SKI: variants seen among roughly 807,000 people sequenced by gnomAD.
SKI encodes the protein SKI proto-oncogene.
Under a neutral mutation model 59.3 loss-of-function variants are expected in SKI, and 23 were observed. That is an observed-to-expected ratio of 0.39 (90% confidence interval 0.28 to 0.55). The LOEUF is 0.55. SKI is among the 20% of genes least tolerant of loss of function. The pLI is 0.67. For missense variants in SKI, 1,017 were observed against 1,038.9 expected (o/e 0.98, Z 0.29); for synonymous variants, 673 against 488.6 (o/e 1.38, Z -4.98).
Position 2,307,847 on chromosome 1 carries a change from G to A in SKI, c.*1082G>A, listed in dbSNP as rs910696331. Reference sequence around the variant, plus strand: ...GCTCGAGTGCTTAGAAACCCCCTCTGGTGCTTGGTTGAACAAGGGAATCAC... The same window carrying A: ...GCTCGAGTGCTTAGAAACCCCCTCTAGTGCTTGGTTGAACAAGGGAATCAC... On this transcript the variant is annotated 3_prime_UTR_variant, in exon 7 of 7. Coordinates refer to ENST00000378536, the MANE Select transcript of SKI (RefSeq NM_003036.4). 1 of 152,502 alleles carries A rather than the reference G, an allele frequency of 6.6e-6. No individual in the cohort carries two copies. The highest frequency in any genetic ancestry group is 1.5e-5 in the Non-Finnish European group (1 of 68,054). 9.4% of individuals were successfully genotyped at this position (152,502 alleles called of 1,614,324 possible).
intron 1 of SKI, among the ~76,000 whole-genome samples, chr1:2,250,725 G>A (rs1043334705): frequency 6.6e-6 from 1 of 152,236 alleles, no homozygotes; most frequent in African/African-American, 2.4e-5. Context: ...TGGCTCCCCT[G>A]GCCACGCTCT....
intron 1 of SKI, among the ~76,000 whole-genome samples, chr1:2,275,510 A>G (rs1172889742): frequency 1.3e-5 from 2 of 150,478 alleles, no homozygotes; most frequent in Non-Finnish European, 1.5e-5. Flanking sequence ...CTTTTTCCAG[A>G]GACGTTTATC....
At chr1:2,304,698 C>T (rs1381684114) in intron 5 of SKI, 113 bp downstream of exon 5, 8 of 1,433,296 alleles carry the variant, frequency 5.6e-6, no homozygotes, top group East Asian at 5.0e-5. Flanking sequence ...CCCATGCGCT[C>T]CTCTCTGCCT....
chr1:2,256,117 T>G (rs1639269215), intron 1 of SKI, among the ~76,000 whole-genome samples: 1 of 151,804 alleles, frequency 6.6e-6, no homozygotes, highest in Non-Finnish European at 1.5e-5. Flanking sequence ...GCCACTCTTG[T>G]GTCCTGACCT....
At chr1:2,284,108 T>A (rs1264918198) in intron 1 of SKI, among the ~76,000 whole-genome samples, 1 of 152,052 alleles carries the variant, frequency 6.6e-6, no homozygotes, top group Non-Finnish European at 1.5e-5. Context: ...GGGCTTGGGG[T>A]CCATCTCCTG....
chr1:2,246,366 G>A (rs1036315304), intron 1 of SKI, among the ~76,000 whole-genome samples: 4 of 152,156 alleles, frequency 2.6e-5, no homozygotes, highest in African/African-American at 9.7e-5. Context: ...TTTGAGTCGA[G>A]TTGTGTGTGG....
chr1:2,253,487 A>T (rs1037935985), intron 1 of SKI, among the ~76,000 whole-genome samples: 1 of 152,204 alleles, frequency 6.6e-6, no homozygotes, highest in Non-Finnish European at 1.5e-5. Flanking sequence ...TTGGACACAC[A>T]CTTGGAGGAA....
intron 1 of SKI, among the ~76,000 whole-genome samples, chr1:2,231,049 G>C (rs1016428481): frequency 6.6e-6 from 1 of 152,218 alleles, no homozygotes; most frequent in Non-Finnish European, 1.5e-5. Flanking sequence ...GCAGACCTGT[G>C]GGCTGGGGAA....
At chr1:2,235,992 G>T (rs1008859313) in intron 1 of SKI, among the ~76,000 whole-genome samples, 2 of 152,236 alleles carry the variant, frequency 1.3e-5, no homozygotes, top group African/African-American at 4.8e-5. Context: ...CCTGGGAAAC[G>T]GCCGAGATTC....
intron 1 of SKI, among the ~76,000 whole-genome samples, chr1:2,249,991 G>A (rs761527341): frequency 2.0e-5 from 3 of 151,880 alleles, no homozygotes; most frequent in African/African-American, 7.3e-5. Flanking sequence ...AGCAACCTCC[G>A]CCTCCTGGAT....
intron 1 of SKI, among the ~76,000 whole-genome samples, chr1:2,262,126 G>A (rs576910999): frequency 1.2e-4 from 16 of 135,528 alleles, no homozygotes; most frequent in South Asian, 8.3e-4. Context: ...TCTGGAAGGC[G>A]TGGAATCAGA....
intron 1 of SKI, among the ~76,000 whole-genome samples, chr1:2,231,794 C>T (rs1370699777): frequency 6.6e-6 from 1 of 152,228 alleles, no homozygotes; most frequent in Non-Finnish European, 1.5e-5. Context: ...TTTTCCTCTC[C>T]TCATGCTCCT....
chr1:2,288,948 G>C (rs997880369), intron 1 of SKI, among the ~76,000 whole-genome samples: 3 of 152,234 alleles, frequency 2.0e-5, no homozygotes, highest in Non-Finnish European at 4.4e-5. Context: ...TCCCCTCCAG[G>C]TGACGGGAGC....
At chr1:2,288,560 C>T (rs879286308) in intron 1 of SKI, among the ~76,000 whole-genome samples, 60 of 152,336 alleles carry the variant, frequency 3.9e-4, no homozygotes, top group Middle Eastern at 3.4e-3. Flanking sequence ...TTTGCTCGTG[C>T]GTGCACATTT....
intron 1 of SKI, among the ~76,000 whole-genome samples, chr1:2,300,850 TC>T (rs1640406704): frequency 6.6e-6 from 1 of 151,982 alleles, no homozygotes; most frequent in East Asian, 1.9e-4. Flanking sequence ...ATCTGCAGGG[TC>T]CTCGGCCACC....
rs1640496768 is a variant in SKI, at chr1:2,304,016, G to A, written c.1388G>A (p.Gly463Glu). 1 of 1,612,592 alleles carries A rather than the reference G, an allele frequency of 6.2e-7. No homozygotes were observed. Among genetic ancestry groups the A allele is most frequent in the Non-Finnish European group, 8.5e-7 (1 of 1,179,890 alleles). ...CGGAAGCTGACTGTGGACACCCCAG[G>A]AGCCCCAGAGACGCTGGCGCCCGTG... is the stretch of plus-strand genomic sequence containing the variant. ...RKRKLTVDTP[G>E]APETLAPVAA... The change falls in exon 4 of 7, where the codon GGA (glycine) becomes GAA (glutamate). Residue 463 changes from glycine to glutamate, a missense_variant. Gly to Glu is a moderately conservative substitution (Grantham distance 98). Transcript: ENST00000378536.
intron 1 of SKI, among the ~76,000 whole-genome samples, chr1:2,292,646 G>A (rs770747330): frequency 1.3e-5 from 2 of 152,220 alleles, no homozygotes; most frequent in Non-Finnish European, 2.9e-5. Context: ...TTCAGATGCG[G>A]TGCCCACCTG....
chr1:2,279,328 C>T (rs1427770673), intron 1 of SKI, among the ~76,000 whole-genome samples: 97 of 152,160 alleles, frequency 6.4e-4, no homozygotes, highest in Non-Finnish European at 1.6e-4. Context: ...CCTCTGATGA[C>T]GGTGGGCGTC....
chr1:2,306,700 C>T lies in SKI; in HGVS notation c.2122C>T (p.Gln708Ter). 1 of 1,542,056 alleles carries T rather than the reference C, an allele frequency of 6.5e-7. No homozygotes were observed. The highest frequency in any genetic ancestry group is 1.2e-5 in the South Asian group (1 of 83,536). Residue 708 changes from glutamine (Q) to a stop codon, truncating the protein, a stop_gained, in exon 7 of 7, where the codon CAG becomes TAG. Coordinates refer to ENST00000378536, the MANE Select transcript of SKI (RefSeq NM_003036.4). LOFTEE classifies it high-confidence loss of function. ...LEKVVKELQE[Q>*]LWPRARPEAA... ...GAAGGTGGTGAAGGAGCTGCAGGAA[C>T]AGCTGTGGCCGCGGGCCCGCCCCGA...
Sources: allele counts gnomAD v4.1 joint callset (sites outside exome capture counted in the v4.1 genomes callset), GRCh38; gene constraint gnomAD v4.1.1; transcripts MANE v1.5; gene names NCBI Gene and HGNC (gene_info 2026-07-23, HGNC 2026-07-21).